PRPF38A: variants seen among roughly 807,000 people sequenced by gnomAD.
PRPF38A encodes pre-mRNA processing factor 38A.
A neutral mutation model predicts 46.8 loss-of-function variants in PRPF38A; 11 were observed. The ratio of observed to expected loss-of-function variants is 0.24; its 90% CI spans 0.15 to 0.39. The LOEUF (loss-of-function observed/expected upper bound fraction) is 0.39, where lower values mean the gene tolerates loss of function less well. Among genes scored for constraint, PRPF38A ranks in the 10% least tolerant of loss-of-function variants. The pLI is 1.00. For synonymous variants in PRPF38A, 124 were observed against 136.2 expected (o/e 0.91, Z 0.62); for missense variants, 261 against 407.5 (o/e 0.64, Z 3.10).
At chr1:52,408,829 C>A in intron 3 of PRPF38A, 139 bp downstream of exon 3, 2 of 1,110,618 alleles carry the variant, frequency 1.8e-6, no homozygotes, top group East Asian at 2.5e-5. Context: ...CAGGTTTTCC[C>A]TTGTCCCTCA....
chr1:52,414,617 A>G lies in PRPF38A; in HGVS notation c.723-4A>G. On this transcript the variant is annotated splice_polypyrimidine_tract_variant and splice_region_variant and intron_variant, in intron 6 of 9. Transcript: ENST00000257181. ...AGGCTTTCTTCTTCCTCTCCTCTTT[A>G]TAGGCGGAGTCGATCTCCCAAAAGG... The G allele has an allele frequency of 6.2e-7, 1 of 1,613,426 alleles. No homozygotes were observed. The highest frequency in any genetic ancestry group is 1.3e-5 in the African/African-American group (1 of 74,976).
chr1:52,415,452 A>G, intron 9 of PRPF38A, 66 bp downstream of exon 9: 1 of 1,412,474 alleles, frequency 7.1e-7, no homozygotes. Context: ...TGGACCTGAA[A>G]TTTTCTTGTT....
At chr1:52,416,529 G>C (rs1401200157) in intron 9 of PRPF38A, 119 bp from the exon 10 acceptor site, 2 of 682,714 alleles carry the variant, frequency 2.9e-6, no homozygotes, top group East Asian at 2.8e-5. Context: ...GGCTGGTCTC[G>C]AATTCCTGAC....
chr1:52,410,193 C>G (rs921102273), intron 3 of PRPF38A, among the ~76,000 whole-genome samples: 2 of 147,022 alleles, frequency 1.4e-5, no homozygotes, highest in Non-Finnish European at 3.0e-5. Flanking sequence ...TCCCAGCTAC[C>G]CAGGAGGCTG....
chr1:52,416,535 C>G, intron 9 of PRPF38A, 113 bp from the exon 10 acceptor site: 1 of 710,320 alleles, frequency 1.4e-6, no homozygotes. Context: ...TCTCGAATTC[C>G]TGACCTCAGG....
intron 2 of PRPF38A, 36 bp from the exon 3 acceptor site, chr1:52,408,533 G>C: frequency 6.2e-7 from 1 of 1,613,526 alleles, no homozygotes; most frequent in Non-Finnish European, 8.5e-7. Context: ...GGAACTTCTA[G>C]GATGGCCTGT....
chr1:52,406,754 G>T (rs991255876), intron 2 of PRPF38A, among the ~76,000 whole-genome samples: 4 of 152,156 alleles, frequency 2.6e-5, no homozygotes, highest in African/African-American at 9.6e-5. Context: ...TGCTGTAAGG[G>T]CTTTGCATAT....
chr1:52,412,044 A>G (rs1569978987), intron 4 of PRPF38A, among the ~76,000 whole-genome samples: 2 of 152,134 alleles, frequency 1.3e-5, no homozygotes, highest in South Asian at 2.1e-4. Context: ...TCAAATAAAC[A>G]TTGCTAAGCC....
rs1277699614 is a variant in PRPF38A at position 52,417,179 on chromosome 1, T to C, written c.*489T>C. 1.3e-5 allele frequency: 2 copies of C among 159,360 alleles called. No individual in the cohort carries two copies. 9.9% of individuals were successfully genotyped at this position (159,360 alleles called of 1,614,324 possible). On this transcript the variant is annotated 3_prime_UTR_variant, in exon 10 of 10. Coordinates refer to ENST00000257181, the MANE Select transcript of PRPF38A (RefSeq NM_032864.4). ...AAGTGGTAATAAACATGAAAACTGG[T>C]TTGTAGCAGTTTTGAAAGAATAGAA...
At position 52,413,895 on chromosome 1, in the gene PRPF38A, C is replaced by T; in HGVS notation, c.626C>T (p.Ser209Leu). The change falls in exon 6 of 10, where the codon TCA becomes TTA. Residue 209 changes from serine to leucine, a missense_variant. Around this residue, in one of 2 missense-constraint regions of PRPF38A, gnomAD observed 180 missense variants for 221.0 expected, o/e 0.81. Coordinates refer to ENST00000257181, the MANE Select transcript of PRPF38A (RefSeq NM_032864.4). Reference protein sequence around the residue: ...EEDEKLERVPSPDHRRRSYRD... With the variant: ...EEDEKLERVPLPDHRRRSYRD... The stretch of plus-strand genomic sequence containing the variant: ...TGTTTCCAGTTGGAAAGAGTGCCAT[C>T]ACCTGATCACCGCCGGAGAAGCTAC... 1.2e-6 allele frequency: 2 copies of T among 1,613,102 alleles called. No homozygotes were observed. Among genetic ancestry groups the T allele is most frequent in the South Asian group, 2.2e-5 (2 of 91,066 alleles).
chr1:52,415,502 A>G (rs1011996310), intron 9 of PRPF38A, 116 bp downstream of exon 9: 1 of 815,094 alleles, frequency 1.2e-6, no homozygotes, highest in African/African-American at 1.7e-5. Flanking sequence ...ATTACAAGAC[A>G]AAATTGGTCT....
chr1:52,412,423 G>T, intron 4 of PRPF38A, 91 bp from the exon 5 acceptor site: 1 of 790,158 alleles, frequency 1.3e-6, no homozygotes. Flanking sequence ...TGCCTCAGCT[G>T]TTGCTCCTTG....
chr1:52,409,007 A>C (rs1648075559), intron 3 of PRPF38A: 1 of 216,310 alleles, frequency 4.6e-6, no homozygotes, highest in Admixed American at 5.2e-5. Flanking sequence ...TCTCCATAAA[A>C]ACCTTCCCCA....
At chr1:52,406,111 C>T (rs751036724) in intron 2 of PRPF38A, among the ~76,000 whole-genome samples, 2 of 152,160 alleles carry the variant, frequency 1.3e-5, no homozygotes, top group Non-Finnish European at 2.9e-5. Flanking sequence ...GTCTCAGCCT[C>T]CCGAGTAGCT....
rs763569967 is a variant in PRPF38A at position 52,405,798 on chromosome 1, G to C, written c.249G>C (p.Glu83Asp). The C allele has an allele frequency of 6.2e-7, 1 of 1,614,136 alleles. No homozygotes were observed. The highest frequency in any genetic ancestry group is 1.1e-5 in the South Asian group (1 of 91,086). The change falls in exon 2 of 10, where the codon GAG (glutamate) becomes GAC (aspartate). Residue 83 changes from glutamate to aspartate, a missense_variant. By Grantham distance (45) the Glu-to-Asp change is conservative (BLOSUM62 2). This residue lies in a region of PRPF38A where 81 missense variants were observed against 186.5 expected (regional missense o/e 0.43). Coordinates refer to ENST00000257181, the MANE Select transcript of PRPF38A (RefSeq NM_032864.4). ...TGAAGATGCTTCAAATTCAACCCGA[G>C]AAGGATATCATTGTAGAGTTTATCA... ...LTLKMLQIQP[E>D]KDIIVEFIKN...
At chr1:52,410,011 A>ATATG (rs1648101780) in intron 3 of PRPF38A, among the ~76,000 whole-genome samples, 1 of 151,460 alleles carries the variant, frequency 6.6e-6, no homozygotes, top group South Asian at 2.1e-4. Flanking sequence ...CTATATATGT[A>ATATG]TATGTATGTA....
rs375570871 is a variant in PRPF38A, at chr1:52,404,733, A to G, written c.-17A>G. ...CATTAAAGGATCCGACGGAAATAGA[A>G]TTGAAGGCATTCTAAAATGGCTAAC... is the stretch of plus-strand genomic sequence containing the variant. On this transcript the variant is annotated 5_prime_UTR_variant, in exon 1 of 10. Transcript: ENST00000257181. 6.2e-7 allele frequency: 1 copy of G among 1,611,840 alleles called. No individual in the cohort carries two copies. Among genetic ancestry groups the G allele is most frequent in the Non-Finnish European group, 8.5e-7 (1 of 1,178,990 alleles).
rs1237296383 is a variant in PRPF38A at position 52,418,516 on chromosome 1, A to G, written c.*1826A>G. The G allele has an allele frequency of 6.6e-6, 1 of 152,242 alleles. No homozygotes were observed. The highest frequency in any genetic ancestry group is 1.5e-5 in the Non-Finnish European group (1 of 68,040). 9.4% of individuals were successfully genotyped at this position (152,242 alleles called of 1,614,324 possible). Reference sequence around the variant, plus strand: ...AGCCCAATAAATTTTAGTAACAGAAATAAACCTCCCTAAACAAACATTAAA... The same window carrying G: ...AGCCCAATAAATTTTAGTAACAGAAGTAAACCTCCCTAAACAAACATTAAA... On this transcript the variant is annotated 3_prime_UTR_variant, in exon 10 of 10. Coordinates refer to ENST00000257181, the MANE Select transcript of PRPF38A (RefSeq NM_032864.4).
At chr1:52,412,869 G>A (rs978845237) in intron 5 of PRPF38A, among the ~76,000 whole-genome samples, 2 of 152,104 alleles carry the variant, frequency 1.3e-5, no homozygotes, top group African/African-American at 4.8e-5. Context: ...CAGCGTTGTG[G>A]TGGGTGCCTG....
Sources: allele counts gnomAD v4.1 joint callset (sites outside exome capture counted in the v4.1 genomes callset), GRCh38; gene constraint gnomAD v4.1.1; regional missense constraint gnomAD v4.1.1; transcripts MANE v1.5; gene names NCBI Gene and HGNC (gene_info 2026-07-23, HGNC 2026-07-21).